The following CA5B variants were observed in gnomAD, a reference collection of about 807,000 sequenced individuals.
CA5B encodes carbonic anhydrase 5B.
CA5B carries 15 observed loss-of-function variants against 23.1 expected under a neutral mutation model. That is an observed-to-expected ratio of 0.65 (90% CI 0.43 to 1.00). The LOEUF is 1.00. CA5B is among the 50% of genes least tolerant of loss of function. The probability of loss-of-function intolerance (pLI) is 0.00; values close to 1 mark genes in which losing one functional copy is unlikely to be tolerated. For synonymous variants in CA5B, 84 were observed against 98.5 expected (o/e 0.85, Z 0.87); for missense variants, 236 against 252.2 (o/e 0.94, Z 0.43).
rs1410943782 is a variant in CA5B at position 15,783,911 on chromosome X, G to A, written c.*1247G>A. The A allele has an allele frequency of 3.0e-5, 2 of 65,634 alleles. No homozygotes were observed. Among genetic ancestry groups the A allele is most frequent in the African/African-American group, 1.2e-4 (2 of 16,220 alleles). The allele number at this position is 65,634 out of a possible 1,213,427, so 5.4% of individuals were successfully genotyped here. On this transcript the variant is annotated 3_prime_UTR_variant, in exon 8 of 8. Coordinates refer to ENST00000318636, the MANE Select transcript of CA5B (RefSeq NM_007220.4). The stretch of plus-strand genomic sequence containing the variant: ...TCTTTTTTTTTTTTTTTTTTGAGAT[G>A]GAGTCTCGCTCTGTCCCCCAGGCTG...
In CA5B at chrX:15,780,421, C is replaced by G. The variant is rs780570328; in HGVS notation, c.775-2064C>G. ...CCAAGTAGCTGGGATTACAGGCGCCCGCCACCACGCCTGGCTAATTTTTTG... is the reference window on the plus strand; with the variant it reads ...CCAAGTAGCTGGGATTACAGGCGCCGGCCACCACGCCTGGCTAATTTTTTG... On this transcript the variant is annotated intron_variant, in intron 7 of 7. Transcript: ENST00000318636. 2.7e-5 allele frequency among the ~76,000 whole-genome samples: 3 copies of G among 109,919 alleles called. No individual in the cohort carries two copies. In the South Asian group the frequency reaches 1.2e-3, roughly 43 times the overall value.
At chrX:15,764,404 A>C (rs1931663788) in intron 2 of CA5B, among the ~76,000 whole-genome samples, 174 bp from the exon 3 acceptor site, 1 of 110,294 alleles carries the variant, frequency 9.1e-6, no homozygotes, top group Non-Finnish European at 1.9e-5. Flanking sequence ...ACGCCTGGAT[A>C]ATTTTTTGCA....
intron 2 of CA5B, among the ~76,000 whole-genome samples, chrX:15,752,394 T>TG (rs1931378234): frequency 1.8e-5 from 2 of 112,068 alleles, no homozygotes; most frequent in Non-Finnish European, 3.8e-5. Flanking sequence ...GAAATAGCCC[T>TG]GCAAAGCTGT....
chrX:15,761,277 G>A (rs1412553800), intron 2 of CA5B, among the ~76,000 whole-genome samples: 1 of 111,612 alleles, frequency 9.0e-6, no homozygotes, highest in African/African-American at 3.3e-5. Context: ...GGCTTCTATT[G>A]ATCCTGTCAT....
At chrX:15,759,274 C>G (rs1253761272) in intron 2 of CA5B, among the ~76,000 whole-genome samples, 1 of 111,868 alleles carries the variant, frequency 8.9e-6, no homozygotes, top group East Asian at 2.8e-4. Context: ...TTCATGACCC[C>G]CTAACATTTG....
At chrX:15,761,645 C>T (rs916751064) in intron 2 of CA5B, among the ~76,000 whole-genome samples, 2 of 111,730 alleles carry the variant, frequency 1.8e-5, no homozygotes, top group African/African-American at 6.5e-5. Flanking sequence ...AGTTTGCATG[C>T]ACCTTTTATC....
intron 3 of CA5B, 38 bp from the exon 4 acceptor site, chrX:15,772,458 A>C: frequency 2.0e-6 from 2 of 993,990 alleles, no homozygotes; most frequent in Non-Finnish European, 2.8e-6. Context: ...CCACTGCACA[A>C]ATAACTCTTC....
At chrX:15,748,342 G>A (rs1375932211) in intron 1 of CA5B, among the ~76,000 whole-genome samples, 1 of 111,292 alleles carries the variant, frequency 9.0e-6, no homozygotes, top group African/African-American at 3.3e-5. Context: ...AATGATTTGG[G>A]GGCTGCTTTT....
chrX:15,776,087 A>T (rs772110188), intron 6 of CA5B: 8 of 685,610 alleles, frequency 1.2e-5, no homozygotes, highest in Non-Finnish European at 1.4e-5. Flanking sequence ...GCCTGTAATC[A>T]CAGCACTTTG....
At chrX:15,752,507 C>G (rs757807850) in intron 2 of CA5B, among the ~76,000 whole-genome samples, 15 of 108,659 alleles carry the variant, frequency 1.4e-4, no homozygotes, top group African/African-American at 4.0e-4. Flanking sequence ...GGGCGGATCA[C>G]AAGGTCAGGA....
Position 15,775,231 on chromosome X carries a change from C to T in CA5B, c.556-15C>T. The T allele has an allele frequency of 8.7e-7, 1 of 1,153,559 alleles. No individual in the cohort carries two copies. Among genetic ancestry groups the T allele is most frequent in the South Asian group, 1.9e-5 (1 of 51,792 alleles). On this transcript the variant is annotated splice_polypyrimidine_tract_variant and intron_variant, in intron 5 of 7. Coordinates refer to ENST00000318636, the MANE Select transcript of CA5B (RefSeq NM_007220.4). ...GTCCATTGTTTGTAATATTTTCTTA[C>T]TTGTTGTTCTTTAGCTAGGCAAACA...
chrX:15,757,965 T>C (rs1383815419), intron 2 of CA5B, among the ~76,000 whole-genome samples: 3 of 111,106 alleles, frequency 2.7e-5, no homozygotes, highest in Non-Finnish European at 3.8e-5. Context: ...TTAGGAAAAT[T>C]GCTGAGTGGC....
chrX:15,764,860 A>G, intron 3 of CA5B, 85 bp downstream of exon 3: 5 of 953,787 alleles, frequency 5.2e-6, no homozygotes, highest in Non-Finnish European at 7.2e-6. Flanking sequence ...TCTCCATGAT[A>G]GTATTGACCT....
chrX:15,762,626 G>A (rs1931627370), intron 2 of CA5B, among the ~76,000 whole-genome samples: 1 of 110,613 alleles, frequency 9.0e-6, no homozygotes, highest in Non-Finnish European at 1.9e-5. Context: ...TAGAGACAGG[G>A]TTTCACTGTG....
At chrX:15,774,051 T>A in intron 4 of CA5B, among the ~76,000 whole-genome samples, 1 of 112,487 alleles carries the variant, frequency 8.9e-6, no homozygotes, top group Non-Finnish European at 1.9e-5. Flanking sequence ...AGTGTCACTT[T>A]GTTATATGAA....
At chrX:15,779,195 G>A (rs1461285228) in intron 7 of CA5B, among the ~76,000 whole-genome samples, 4 of 111,186 alleles carry the variant, frequency 3.6e-5, no homozygotes, top group African/African-American at 1.3e-4. Flanking sequence ...TTCTATCTTG[G>A]TCTGAAAGCC....
chrX:15,753,276 C>T (rs1231611631), intron 2 of CA5B, among the ~76,000 whole-genome samples: 2 of 112,685 alleles, frequency 1.8e-5, no homozygotes, highest in East Asian at 2.8e-4. Context: ...TAAGCAGGGG[C>T]TTACAGGTCA....
At chrX:15,747,465 T>C (rs1231856970) in intron 1 of CA5B, among the ~76,000 whole-genome samples, 2 of 108,421 alleles carry the variant, frequency 1.8e-5, no homozygotes, top group Non-Finnish European at 3.8e-5. Context: ...GATAAGTTGA[T>C]AGGATGTCTG....
chrX:15,777,325 A>G (rs1931950414), intron 7 of CA5B, among the ~76,000 whole-genome samples: 1 of 111,730 alleles, frequency 9.0e-6, no homozygotes, highest in Admixed American at 9.6e-5. Context: ...TTTGGGATCT[A>G]TTTTTCCCTT....
Sources: gnomAD v4.1 joint callset for allele counts (sites outside exome capture counted in the v4.1 genomes callset) on GRCh38, gnomAD v4.1.1 for gene constraint, MANE v1.5 for transcripts, NCBI Gene and HGNC (gene_info 2026-07-23, HGNC 2026-07-21) for gene names.